Variants in DDX10 observed in about 807,000 individuals in gnomAD.
The protein encoded by DDX10 is DEAD-box helicase 10.
Under a neutral mutation model 104.3 loss-of-function variants are expected in DDX10, and 74 were observed. The observed-to-expected ratio is 0.71, with a 90% CI of 0.59 to 0.86. The LOEUF is 0.86. Among genes scored for constraint, DDX10 ranks in the 40% least tolerant of loss-of-function variants. DDX10 has a pLI of 0.00. For missense variants in DDX10, 952 were observed against 1,040.0 expected (o/e 0.92, Z 1.16); for synonymous variants, 351 against 353.4 (o/e 0.99, Z 0.08).
At chr11:108,902,564 C>G (rs918119278) in intron 16 of DDX10, among the ~76,000 whole-genome samples, 1 of 152,088 alleles carries the variant, frequency 6.6e-6, no homozygotes. Context: ...ATGGTTGTAG[C>G]CTTTACCCTG....
chr11:108,735,999 T>C (rs1446665286), intron 13 of DDX10, among the ~76,000 whole-genome samples: 1 of 152,216 alleles, frequency 6.6e-6, no homozygotes, highest in African/African-American at 2.4e-5. Flanking sequence ...GATTTCATGA[T>C]GATTTAAATC....
intron 17 of DDX10, among the ~76,000 whole-genome samples, chr11:108,928,829 GT>G (rs1317193804): frequency 6.6e-6 from 1 of 152,184 alleles, no homozygotes; most frequent in Non-Finnish European, 1.5e-5. Flanking sequence ...TTGTAAATGA[GT>G]ATATACATTG....
Position 108,677,143 on chromosome 11 carries a change from T to A in DDX10, c.437T>A (p.Ile146Lys). 6.2e-7 allele frequency: 1 copy of A among 1,613,832 alleles called. No homozygotes were observed. The highest frequency in any genetic ancestry group is 8.5e-7 in the Non-Finnish European group (1 of 1,179,888). ...TCAACAGATGGGCTGGGGGTTCTCA[T>A]AATATCACCTACGAGAGAACTGGCC... ...WTSTDGLGVL[I>K]ISPTRELAYQ... The change falls in exon 4 of 18, where the codon ATA becomes AAA. Residue 146 changes from isoleucine to lysine, a missense_variant. By Grantham distance (102) the Ile-to-Lys change is moderately radical. Coordinates refer to ENST00000322536, the MANE Select transcript of DDX10 (RefSeq NM_004398.4).
In DDX10 at chr11:108,689,557, G is replaced by A. The variant is rs894667634; in HGVS notation, c.975+495G>A. Among the ~76,000 whole-genome samples, 5 of 152,146 alleles carry A rather than the reference G, an allele frequency of 3.3e-5. No homozygotes were observed. The South Asian group carries it at 1.0e-3, about 32-fold the overall frequency. Reference sequence around the variant, plus strand: ...CTGACACTCCCTTTTTAAAGAATCAGTTGTTCCCTCCCCTAACCTTCTGAA... The same window carrying A: ...CTGACACTCCCTTTTTAAAGAATCAATTGTTCCCTCCCCTAACCTTCTGAA... On this transcript the variant is annotated intron_variant, in intron 7 of 17. Transcript: ENST00000322536.
chr11:108,786,178 A>G (rs2615726), intron 13 of DDX10, among the ~76,000 whole-genome samples: 151,159 of 152,268 alleles, frequency 0.99, 75,044 homozygotes, highest in Middle Eastern at 1. Flanking sequence ...CTTCTTTATC[A>G]ATTTCTGTTT....
chr11:108,907,756 A>G (rs1398574549), intron 16 of DDX10, among the ~76,000 whole-genome samples: 1 of 152,234 alleles, frequency 6.6e-6, no homozygotes, highest in Admixed American at 6.5e-5. Context: ...CAGCCAGTAT[A>G]TATTAGAGAT....
At chr11:108,898,318 A>G (rs1003203115) in intron 16 of DDX10, among the ~76,000 whole-genome samples, 7 of 152,126 alleles carry the variant, frequency 4.6e-5, no homozygotes, top group African/African-American at 1.7e-4. Flanking sequence ...AGGTCTTGGC[A>G]TATTCAGAAC....
At chr11:108,821,848 A>G (rs908258812) in intron 13 of DDX10, among the ~76,000 whole-genome samples, 15 of 152,236 alleles carry the variant, frequency 9.9e-5, no homozygotes, top group African/African-American at 3.4e-4. Flanking sequence ...AGATTGGCAT[A>G]GTTAAGGCCA....
At chr11:108,849,897 T>C (rs1224091832) in intron 15 of DDX10, among the ~76,000 whole-genome samples, 1 of 152,110 alleles carries the variant, frequency 6.6e-6, no homozygotes, top group African/African-American at 2.4e-5. Flanking sequence ...TAAACCGTCT[T>C]TAGAAAATTA....
chr11:108,854,382 G>A (rs1862837080), intron 16 of DDX10, among the ~76,000 whole-genome samples: 1 of 152,200 alleles, frequency 6.6e-6, no homozygotes, highest in African/African-American at 2.4e-5. Context: ...TAGTTTTTGA[G>A]TAAACTTTGT....
chr11:108,836,792 G>C (rs754767248), intron 13 of DDX10, among the ~76,000 whole-genome samples: 1 of 152,116 alleles, frequency 6.6e-6, no homozygotes, highest in Non-Finnish European at 1.5e-5. Context: ...CCCGGCCTTG[G>C]TGGTTTATTT....
intron 8 of DDX10, among the ~76,000 whole-genome samples, chr11:108,692,625 C>T (rs2094254403): frequency 6.6e-6 from 1 of 152,124 alleles, no homozygotes; most frequent in South Asian, 2.1e-4. Context: ...TTAATTACAG[C>T]AAATTTGAAG....
At chr11:108,771,630 GAGGGTTATGAGA>G (rs149935446) in intron 13 of DDX10, among the ~76,000 whole-genome samples, 1,525 of 152,262 alleles carry the variant, frequency 0.01, 20 homozygotes, top group African/African-American at 0.035. Flanking sequence ...TAACTTGATG[GAGGGTTATGAGA>G]AGGAGACTTG....
rs751861092 is a variant in DDX10 at position 108,665,248 on chromosome 11, A to T, written c.95A>T (p.Asn32Ile). Residue 32 changes from asparagine to isoleucine, a missense_variant, in exon 1 of 18, where the codon AAC (asparagine) becomes ATC (isoleucine). Asn to Ile is a moderately radical substitution (Grantham distance 149, BLOSUM62 -3). Around this residue, in one of 3 missense-constraint regions of DDX10, gnomAD observed 412 missense variants for 479.2 expected, o/e 0.86. Transcript: ENST00000322536. ...AAGAAAAAACACAGCCATAGGCAGA[A>T]CAAAAAGAAGCAGTTGAGGAAGCAA... is the stretch of plus-strand genomic sequence containing the variant. Reference protein sequence around the residue: ...RWKKKHSHRQNKKKQLRKQLK... With the variant: ...RWKKKHSHRQIKKKQLRKQLK... 1.6e-5 allele frequency: 26 copies of T among 1,612,702 alleles called. No homozygotes were observed. Among genetic ancestry groups the T allele is most frequent in the Non-Finnish European group, 2.2e-5 (26 of 1,179,538 alleles).
rs530775026 is a variant in DDX10 at position 108,757,726 on chromosome 11, C to T, written c.1965+34264C>T. ...CCTCTGACCCTAATTTCTTAACCTT[C>T]TGACCCTTATAATCTGTTTTTCTCC... is the stretch of plus-strand genomic sequence containing the variant. On this transcript the variant is annotated intron_variant, in intron 13 of 17. Transcript: ENST00000322536. Among the ~76,000 whole-genome samples, 3 of 152,184 alleles carry T rather than the reference C, an allele frequency of 2.0e-5. No individual in the cohort carries two copies. In the South Asian group the frequency reaches 6.2e-4, roughly 32 times the overall value.
chr11:108,761,381 A>G (rs778042549), intron 13 of DDX10, among the ~76,000 whole-genome samples: 1 of 152,118 alleles, frequency 6.6e-6, no homozygotes, highest in South Asian at 2.1e-4. Flanking sequence ...TGTGTGGCCT[A>G]TGAGTTCGTT....
chr11:108,724,543 T>C (rs949364353), intron 13 of DDX10, among the ~76,000 whole-genome samples: 5 of 152,148 alleles, frequency 3.3e-5, no homozygotes, highest in Admixed American at 6.5e-5. Context: ...AATAATCCTG[T>C]ACTGTCTCAT....
intron 15 of DDX10, among the ~76,000 whole-genome samples, chr11:108,842,603 A>G (rs1862655216): frequency 1.3e-5 from 2 of 152,248 alleles, no homozygotes; most frequent in Admixed American, 6.5e-5. Flanking sequence ...ATGAATGTTG[A>G]GAAAAGCATT....
At chr11:108,784,034 T>G (rs1346673719) in intron 13 of DDX10, among the ~76,000 whole-genome samples, 1 of 152,232 alleles carries the variant, frequency 6.6e-6, no homozygotes, top group Non-Finnish European at 1.5e-5. Context: ...GTTCCACATT[T>G]TATTTATCCA....
Sources: gnomAD v4.1 joint callset for allele counts (sites outside exome capture counted in the v4.1 genomes callset) on GRCh38, gnomAD v4.1.1 for gene constraint, gnomAD v4.1.1 regional missense constraint, MANE v1.5 for transcripts, NCBI Gene and HGNC (gene_info 2026-07-23, HGNC 2026-07-21) for gene names.